Variants in SSUH2 observed in about 807,000 individuals in gnomAD.
SSUH2 encodes protein SSUH2 homolog.
SSUH2 carries 47 observed loss-of-function variants against 55.3 expected under a neutral mutation model. The observed-to-expected ratio is 0.85, with a 90% confidence interval of 0.67 to 1.08. The LOEUF (loss-of-function observed/expected upper bound fraction) is 1.08, where lower values mean the gene tolerates loss of function less well. SSUH2 is among the 50% of genes least tolerant of loss of function. SSUH2 has a pLI of 0.00. For synonymous variants in SSUH2, 212 were observed against 191.5 expected (o/e 1.11, Z -0.89); for missense variants, 535 against 490.7 (o/e 1.09, Z -0.85).
chr3:8,662,268 T>G (rs1703567979), intron 6 of SSUH2, among the ~76,000 whole-genome samples: 1 of 152,148 alleles, frequency 6.6e-6, no homozygotes, highest in Admixed American at 6.5e-5. Flanking sequence ...CATGGGGAAT[T>G]GTCCTCTAAC....
At chr3:8,678,894 A>AG (rs1705682137) in intron 2 of SSUH2, among the ~76,000 whole-genome samples, 1 of 101,034 alleles carries the variant, frequency 9.9e-6, no homozygotes, top group African/African-American at 3.4e-5. Context: ...ATTGCAAGGG[A>AG]GGGAGGCACC....
intron 5 of SSUH2, among the ~76,000 whole-genome samples, chr3:8,670,125 G>A (rs1575368972): frequency 6.6e-6 from 1 of 152,212 alleles, no homozygotes; most frequent in African/African-American, 2.4e-5. Flanking sequence ...GTGAAGACTC[G>A]GAAGAAACCC....
At chr3:8,661,490 T>C (rs1703482480) in intron 6 of SSUH2, among the ~76,000 whole-genome samples, 1 of 152,156 alleles carries the variant, frequency 6.6e-6, no homozygotes, top group Non-Finnish European at 1.5e-5. Context: ...CTGGAAGCTG[T>C]CAGGAACTGT....
intron 7 of SSUH2, chr3:8,629,352 C>T (rs1698278691): frequency 2.8e-6 from 1 of 358,220 alleles, no homozygotes. Flanking sequence ...TAAGAAGAAC[C>T]CCAGGTCTTG....
chr3:8,672,110 G>A (rs961973272), intron 3 of SSUH2: 5 of 151,840 alleles, frequency 3.3e-5, no homozygotes, highest in African/African-American at 1.2e-4. Context: ...CCTCTCCCAC[G>A]TTGAAATTAG....
At position 8,672,388 on chromosome 3, in the gene SSUH2, G is replaced by A. The variant is rs970108780; in HGVS notation, c.-752-353C>T. Among the ~76,000 whole-genome samples the A allele has an allele frequency of 5.3e-5, 8 of 151,814 alleles. No homozygotes were observed. The East Asian group carries it at 9.7e-4, about 18-fold the overall frequency. On this transcript the variant is annotated intron_variant, in intron 3 of 18. Transcript: ENST00000317371. ...GGGTGTACACCTCCTGCGACATGGG[G>A]GTAATATCATCCTCTTTTCTTCTGG...
intron 7 of SSUH2, among the ~76,000 whole-genome samples, chr3:8,655,348 C>T (rs1702827362): frequency 1.6e-5 from 1 of 61,048 alleles, no homozygotes; most frequent in Admixed American, 1.6e-4. Context: ...CAGTGGGTGG[C>T]CTCATCCCCC....
chr3:8,647,630 T>A (rs557970057), upstream of SSUH2, among the ~76,000 whole-genome samples: 1 of 152,302 alleles, frequency 6.6e-6, no homozygotes, highest in East Asian at 1.9e-4. Context: ...ATTGCTCAGC[T>A]CCTGCTGGAC....
At chr3:8,670,708 T>C (rs1046401803) in intron 5 of SSUH2, among the ~76,000 whole-genome samples, 7 of 151,888 alleles carry the variant, frequency 4.6e-5, no homozygotes, top group African/African-American at 1.5e-4. Flanking sequence ...AACATCTCTT[T>C]AGGATATCAC....
chr3:8,673,968 A>T (rs188522376), intron 3 of SSUH2, among the ~76,000 whole-genome samples: 2,011 of 147,956 alleles, frequency 0.014, 14 homozygotes, highest in Non-Finnish European at 0.02. Context: ...GATAACCCTG[A>T]AAATCAGCAC....
intron 2 of SSUH2, among the ~76,000 whole-genome samples, chr3:8,678,880 C>A (rs1271273612): frequency 3.5e-5 from 4 of 115,930 alleles, no homozygotes; most frequent in Non-Finnish European, 6.0e-5. Flanking sequence ...CTCTTAGGAT[C>A]CCCATTGCAA....
chr3:8,620,169 C>T (rs537893689), intron 11 of SSUH2, among the ~76,000 whole-genome samples, 155 bp from the exon 12 acceptor site: 1 of 152,284 alleles, frequency 6.6e-6, no homozygotes, highest in South Asian at 2.1e-4. Context: ...CCACCCAAAT[C>T]TCACCTTGAA....
intron 3 of SSUH2, among the ~76,000 whole-genome samples, chr3:8,673,332 C>T (rs1704828969): frequency 6.6e-6 from 1 of 151,882 alleles, no homozygotes; most frequent in South Asian, 2.1e-4. Flanking sequence ...TTATTAATTG[C>T]GGTAAGTCAC....
upstream of SSUH2, among the ~76,000 whole-genome samples, chr3:8,647,615 C>T (rs1234583842): frequency 6.6e-6 from 1 of 152,174 alleles, no homozygotes; most frequent in African/African-American, 2.4e-5. Flanking sequence ...TCAGAGAAGC[C>T]GGCTATTGCT....
At chr3:8,667,241 T>C (rs997007686) in intron 5 of SSUH2, among the ~76,000 whole-genome samples, 1 of 152,186 alleles carries the variant, frequency 6.6e-6, no homozygotes, top group Non-Finnish European at 1.5e-5. Flanking sequence ...GGGTAGTGTA[T>C]TCCTGGAACT....
At chr3:8,625,684 T>G (rs370265449) in intron 9 of SSUH2, 37 bp from the exon 10 acceptor site, 2 of 1,450,638 alleles carry the variant, frequency 1.4e-6, no homozygotes, top group Non-Finnish European at 1.9e-6. Flanking sequence ...AAGCACACAG[T>G]GTGGCAGGTT....
intron 1 of SSUH2, chr3:8,639,847 G>C (rs998932097): frequency 2.7e-5 from 16 of 583,630 alleles, no homozygotes; most frequent in Non-Finnish European, 3.5e-5. Flanking sequence ...CTTTTGGACA[G>C]GGGCCCCTGT....
chr3:8,638,638 T>C (rs1700324828), intron 1 of SSUH2, among the ~76,000 whole-genome samples: 1 of 152,164 alleles, frequency 6.6e-6, no homozygotes, highest in Non-Finnish European at 1.5e-5. Flanking sequence ...AACAGAGCAG[T>C]TGATATTAAT....
chr3:8,650,112 C>T (rs765582498), intron 7 of SSUH2, among the ~76,000 whole-genome samples: 11 of 152,304 alleles, frequency 7.2e-5, no homozygotes, highest in African/African-American at 1.2e-4. Flanking sequence ...TCCCTCACCA[C>T]CTTCAGGCCT....
Sources: allele counts gnomAD v4.1 joint callset (sites outside exome capture counted in the v4.1 genomes callset), GRCh38; gene constraint gnomAD v4.1.1; transcripts MANE v1.5; gene names NCBI Gene and HGNC (gene_info 2026-07-23, HGNC 2026-07-21).